AMY2A: variants seen among roughly 807,000 people sequenced by gnomAD.
AMY2A encodes the protein amylase alpha 2A.
In AMY2A, 16 loss-of-function variants were observed where a neutral mutation model predicts 43.0. That is an observed-to-expected ratio of 0.37 (90% CI 0.25 to 0.56). The LOEUF is 0.56. AMY2A is among the 20% of genes least tolerant of loss of function. The pLI is 0.77. For missense variants in AMY2A, 212 were observed against 456.8 expected (o/e 0.46, Z 4.89); for synonymous variants, 70 against 144.6 (o/e 0.48, Z 3.70).
At chr1:103,618,227 A>T in intron 2 of AMY2A, 127 bp downstream of exon 2, 1 of 1,397,364 alleles carries the variant, frequency 7.2e-7, no homozygotes, top group Non-Finnish European at 9.6e-7. Context: ...ATAATTTAAA[A>T]CTCAAAATTA....
Position 103,617,864 on chromosome 1 carries a change from A to G in AMY2A, c.169-90A>G. 3.2e-6 allele frequency: 5 copies of G among 1,576,452 alleles called. 1 individual carries two copies. The highest frequency in any genetic ancestry group is 4.3e-6 in the Non-Finnish European group (5 of 1,159,216). ...ATAGCTGCCTATACCAAGATTCAAG[A>G]ATCTTTTATACTATTGATTAGTTTC... is the stretch of plus-strand genomic sequence containing the variant. On this transcript the variant is annotated intron_variant, in intron 1 of 9. Transcript: ENST00000414303.
In AMY2A at chr1:103,617,468, A is replaced by G. The variant is rs753392949; in HGVS notation, c.28A>G (p.Ile10Val). ...GAAGTTCTTTCTGTTGCTTTTCACCATTGGGTTCTGCTGGGCTCAGTATTC... is the reference window on the plus strand; with the variant it reads ...GAAGTTCTTTCTGTTGCTTTTCACCGTTGGGTTCTGCTGGGCTCAGTATTC... MKFFLLLFT[I>V]GFCWAQYSPN... The change falls in exon 1 of 10, where the codon ATT (isoleucine) becomes GTT (valine). Residue 10 changes from isoleucine (I) to valine (V), a missense_variant. Physicochemically the swap from Ile to Val is conservative, Grantham distance 29 (BLOSUM62 3). This residue lies in a region of AMY2A where 199 missense variants were observed against 210.6 expected (regional missense o/e 0.94). Coordinates refer to ENST00000414303, the MANE Select transcript of AMY2A (RefSeq NM_000699.4). 6.2e-7 allele frequency: 1 copy of G among 1,600,570 alleles called. No individual in the cohort carries two copies. The highest frequency in any genetic ancestry group is 8.5e-7 in the Non-Finnish European group (1 of 1,170,590).
chr1:103,617,460 T>G lies in AMY2A; in HGVS notation c.20T>G (p.Leu7Arg), dbSNP rs750879795. ...AGCAAAATGAAGTTCTTTCTGTTGC[T>G]TTTCACCATTGGGTTCTGCTGGGCT... Reference protein sequence around the residue: MKFFLLLFTIGFCWAQY... With the variant: MKFFLLRFTIGFCWAQY... The change falls in exon 1 of 10, where the codon CTT becomes CGT. Residue 7 changes from leucine to arginine, a missense_variant. By Grantham distance (102) the Leu-to-Arg change is moderately radical. Coordinates refer to ENST00000414303, the MANE Select transcript of AMY2A (RefSeq NM_000699.4). 5.6e-6 allele frequency: 9 copies of G among 1,600,280 alleles called. 1 individual carries two copies. Among genetic ancestry groups the G allele is most frequent in the Admixed American group, 3.4e-5 (2 of 59,700 alleles).
At position 103,618,063 on chromosome 1, in the gene AMY2A, A is replaced by G; in HGVS notation, c.278A>G (p.Glu93Gly). 1 of 1,600,534 alleles carries G rather than the reference A, an allele frequency of 6.2e-7. No individual in the cohort carries two copies. Among genetic ancestry groups the G allele is most frequent in the Non-Finnish European group, 8.5e-7 (1 of 1,170,578 alleles). Residue 93 changes from glutamate to glycine, a missense_variant, in exon 2 of 10, where the codon GAA becomes GGA. By Grantham distance (98) the Glu-to-Gly change is moderately conservative. Around this residue, in one of 2 missense-constraint regions of AMY2A, gnomAD observed 199 missense variants for 210.6 expected, o/e 0.94. Transcript: ENST00000414303. ...TGCACAAGATCTGGAAATGAAGATG[A>G]ATTTAGAAACATGGTGACTAGATGT... ...KLCTRSGNED[E>G]FRNMVTRCNN...
Position 103,618,111 on chromosome 1 carries a change from T to A in AMY2A, c.315+11T>A. On this transcript the variant is annotated intron_variant, in intron 2 of 9. Transcript: ENST00000414303. Reference sequence around the variant, plus strand: ...TGTAACAATGTTGGGGTAAGTGAATTCTAGTTTCCTTTAAAAATAACAGAC... The same window carrying A: ...TGTAACAATGTTGGGGTAAGTGAATACTAGTTTCCTTTAAAAATAACAGAC... The A allele has an allele frequency of 6.3e-7, 1 of 1,591,932 alleles. No homozygotes were observed. Among genetic ancestry groups the A allele is most frequent in the Non-Finnish European group, 8.6e-7 (1 of 1,164,670 alleles).
chr1:103,618,888 G>A (rs1222157844), intron 2 of AMY2A, 23 bp from the exon 3 acceptor site: 2 of 862,912 alleles, frequency 2.3e-6, no homozygotes, highest in Non-Finnish European at 3.5e-6. Context: ...AAGTCACACT[G>A]AAGTAGAAAC....
Position 103,617,513 on chromosome 1 carries a change from C to G in AMY2A, c.73C>G (p.Arg25Gly). 2 of 1,600,722 alleles carry G rather than the reference C, an allele frequency of 1.2e-6. No individual in the cohort carries two copies. Among genetic ancestry groups the G allele is most frequent in the Non-Finnish European group, 1.7e-6 (2 of 1,170,774 alleles). ...AQYSPNTQQG[R>G]TSIVHLFEWR... The stretch of plus-strand genomic sequence containing the variant: ...GTATTCCCCAAATACACAACAAGGA[C>G]GGACATCTATTGTTCATCTGTTTGA... Residue 25 changes from arginine to glycine, a missense_variant, in exon 1 of 10, where the codon CGG becomes GGG. This residue lies in a region of AMY2A where 199 missense variants were observed against 210.6 expected (regional missense o/e 0.94). Transcript: ENST00000414303.
upstream of AMY2A, chr1:103,616,902 G>A: frequency 1.3e-6 from 1 of 787,016 alleles, no homozygotes; most frequent in Non-Finnish European, 1.6e-6. Context: ...TCTAGAGGCT[G>A]GTAAGGGCTT....
Position 103,617,558 on chromosome 1 carries a change from G to A in AMY2A, c.118G>A (p.Ala40Thr). The A allele has an allele frequency of 1.9e-6, 3 of 1,600,874 alleles. No homozygotes were observed. The highest frequency in any genetic ancestry group is 2.6e-6 in the Non-Finnish European group (3 of 1,170,868). The change falls in exon 1 of 10, where the codon GCT (alanine) becomes ACT (threonine). Residue 40 changes from alanine to threonine, a missense_variant. This residue lies in a region of AMY2A where 199 missense variants were observed against 210.6 expected (regional missense o/e 0.94). Transcript: ENST00000414303. ...HLFEWRWVDI[A>T]LECERYLAPK... ...GTTTGAATGGCGATGGGTTGATATT[G>A]CTCTTGAATGTGAGCGATATTTAGC...
chr1:103,618,799 G>T lies in AMY2A; in HGVS notation c.316-112G>T, dbSNP rs537819303. 1,084 of 1,450,150 alleles carry T rather than the reference G, an allele frequency of 7.5e-4. 58 individuals carry two copies. The highest frequency in any genetic ancestry group is 9.8e-4 in the Non-Finnish European group (1,048 of 1,065,670). 89.8% of individuals were successfully genotyped at this position (1,450,150 alleles called of 1,614,324 possible). On this transcript the variant is annotated intron_variant, in intron 2 of 9. Transcript: ENST00000414303. ...TGATCTTGTAGGAAAATAATTATAA[G>T]ATATCATGAAATATTTTGGAGTTTT...
chr1:103,617,322 A>G, upstream of AMY2A: 1 of 1,533,038 alleles, frequency 6.5e-7, no homozygotes, highest in Non-Finnish European at 8.9e-7. Context: ...TCCTTTTCAG[A>G]TTATGAATAA....
intron 2 of AMY2A, 130 bp from the exon 3 acceptor site, chr1:103,618,781 G>A: frequency 6.7e-7 from 1 of 1,483,916 alleles, no homozygotes; most frequent in Non-Finnish European, 9.2e-7. Flanking sequence ...TTTTGATCTT[G>A]TAGGAAAATA....
Position 103,617,750 on chromosome 1 carries a change from T to C in AMY2A, c.168+142T>C, listed in dbSNP as rs1338273282. ...AAAGAGATTTCTGAGGGAAAATCTA[T>C]GTAGTATTCTTGGCAACTTTATATT... On this transcript the variant is annotated intron_variant, in intron 1 of 9. Transcript: ENST00000414303. 8.4e-6 allele frequency: 13 copies of C among 1,541,632 alleles called. 2 individuals carry two copies. Among genetic ancestry groups the C allele is most frequent in the Non-Finnish European group, 9.7e-6 (11 of 1,139,778 alleles).
In AMY2A at chr1:103,618,764, A is replaced by G. The variant is rs537552604; in HGVS notation, c.316-147A>G. ...TTAGTTCACATTACTTTCCTTTCAC[A>G]GTTGATTTTTGATCTTGTAGGAAAA... is the stretch of plus-strand genomic sequence containing the variant. On this transcript the variant is annotated intron_variant, in intron 2 of 9. Transcript: ENST00000414303. 1.3e-5 allele frequency: 19 copies of G among 1,468,426 alleles called. No homozygotes were observed. In the African/African-American group the frequency reaches 2.6e-4, roughly 20 times the overall value. The allele number at this position is 1,468,426 out of a possible 1,614,324, so 91.0% of individuals were successfully genotyped here. A position where few individuals can be genotyped will look rare whatever the true frequency, so the allele number is the denominator to read the frequency against.
intron 3 of AMY2A, 93 bp downstream of exon 3, chr1:103,619,201 T>C (rs1188804283): frequency 3.4e-6 from 2 of 591,754 alleles, no homozygotes; most frequent in African/African-American, 3.8e-5. Context: ...AAAATAGGAA[T>C]TTAGATCTCT....
Position 103,618,061 on chromosome 1 carries a change from T to A in AMY2A, c.276T>A (p.Asp92Glu), listed in dbSNP as rs760251904. 1 of 1,600,556 alleles carries A rather than the reference T, an allele frequency of 6.2e-7. No homozygotes were observed. The highest frequency in any genetic ancestry group is 2.2e-5 in the East Asian group (1 of 44,782). ...TATGCACAAGATCTGGAAATGAAGATGAATTTAGAAACATGGTGACTAGAT... is the reference window on the plus strand; with the variant it reads ...TATGCACAAGATCTGGAAATGAAGAAGAATTTAGAAACATGGTGACTAGAT... ...YKLCTRSGNE[D>E]EFRNMVTRCN... The change falls in exon 2 of 10, where the codon GAT becomes GAA. Residue 92 changes from aspartate (D) to glutamate (E), a missense_variant. By Grantham distance (45) the Asp-to-Glu change is conservative. Coordinates refer to ENST00000414303, the MANE Select transcript of AMY2A (RefSeq NM_000699.4).
upstream of AMY2A, chr1:103,617,290 C>T (rs1268260238): frequency 2.8e-6 from 4 of 1,430,222 alleles, no homozygotes; most frequent in Non-Finnish European, 3.8e-6. Flanking sequence ...TGTTCTTTAC[C>T]TGTTAGGATT....
chr1:103,618,139 G>A (rs756209084), intron 2 of AMY2A, 39 bp downstream of exon 2: 1 of 1,581,302 alleles, frequency 6.3e-7, no homozygotes, highest in South Asian at 1.1e-5. Flanking sequence ...TAACAGACAG[G>A]AAAATGGTTT....
upstream of AMY2A, chr1:103,617,127 T>A (rs1653097767): frequency 4.2e-6 from 4 of 962,600 alleles, no homozygotes; most frequent in South Asian, 4.1e-5. Context: ...TTTAAAGAGA[T>A]GACAACAAAT....
Sources: allele counts gnomAD v4.1 joint callset, GRCh38; gene constraint gnomAD v4.1.1; regional missense constraint gnomAD v4.1.1; transcripts MANE v1.5; gene names NCBI Gene and HGNC (gene_info 2026-07-23, HGNC 2026-07-21).